The following LHFPL6 variants were observed in gnomAD, a reference collection of about 807,000 sequenced individuals.
LHFPL6 encodes LHFPL tetraspan subfamily member 6 protein.
In LHFPL6, 9 loss-of-function variants were observed where a neutral mutation model predicts 20.6. That is an observed-to-expected ratio of 0.44 (90% CI 0.26 to 0.76). The LOEUF (loss-of-function observed/expected upper bound fraction) is 0.76. Among genes scored for constraint, LHFPL6 ranks in the 30% least tolerant of loss-of-function variants. LHFPL6 has a pLI of 0.20. For synonymous variants in LHFPL6, 105 were observed against 98.7 expected (o/e 1.06, Z -0.38); for missense variants, 218 against 253.5 (o/e 0.86, Z 0.95).
chr13:39,560,853 A>G lies in LHFPL6; in HGVS notation c.385+39979T>C, dbSNP rs192050436. ...TCTCTAACATGATGTAGTATTGGCT[A>G]TTTTCAAAGCAGTTTGTCATGTCCA... On this transcript the variant is annotated intron_variant, in intron 2 of 3. Transcript: ENST00000379589. 2.8e-3 allele frequency among the ~76,000 whole-genome samples: 428 copies of G among 152,112 alleles called. 2 individuals are homozygous for G. The highest frequency in any genetic ancestry group is 9.8e-3 in the African/African-American group (408 of 41,506).
chr13:39,435,861 A>AT (rs1283578277), intron 2 of LHFPL6, among the ~76,000 whole-genome samples: 2 of 152,188 alleles, frequency 1.3e-5, no homozygotes, highest in Non-Finnish European at 2.9e-5. Flanking sequence ...GAAACAGGTC[A>AT]TATGCATACA....
chr13:39,539,940 G>C (rs1593355197), intron 2 of LHFPL6, among the ~76,000 whole-genome samples: 1 of 152,230 alleles, frequency 6.6e-6, no homozygotes, highest in Non-Finnish European at 1.5e-5. Flanking sequence ...ATAGAATATG[G>C]CATATCATGA....
At chr13:39,589,016 A>C (rs1414406465) in intron 2 of LHFPL6, among the ~76,000 whole-genome samples, 2 of 152,218 alleles carry the variant, frequency 1.3e-5, no homozygotes, top group Non-Finnish European at 2.9e-5. Flanking sequence ...GAGGGTAATT[A>C]TTTACTGAAG....
intron 2 of LHFPL6, among the ~76,000 whole-genome samples, chr13:39,382,426 A>C (rs1232265604): frequency 1.3e-5 from 2 of 151,860 alleles, no homozygotes; most frequent in Admixed American, 1.3e-4. Context: ...TTTTTTTGAG[A>C]TGGAGTCTTG....
intron 2 of LHFPL6, among the ~76,000 whole-genome samples, chr13:39,524,277 C>G (rs1259535982): frequency 6.6e-6 from 1 of 150,796 alleles, no homozygotes; most frequent in Non-Finnish European, 1.5e-5. Flanking sequence ...ATGGTTTAAT[C>G]AGCAGGGTTT....
chr13:39,551,316 A>G (rs9576852), intron 2 of LHFPL6, among the ~76,000 whole-genome samples: 73,846 of 151,734 alleles, frequency 0.49, 18,963 homozygotes, highest in African/African-American at 0.65. Context: ...AGCACCAGGG[A>G]CCAGATTCAC....
chr13:39,463,987 T>C (rs1033905343), intron 2 of LHFPL6, among the ~76,000 whole-genome samples: 1 of 152,204 alleles, frequency 6.6e-6, no homozygotes, highest in African/African-American at 2.4e-5. Context: ...TGTGTTGCTG[T>C]TGACAAGGCT....
chr13:39,378,366 T>A, intron 3 of LHFPL6, 62 bp downstream of exon 3: 2 of 1,385,734 alleles, frequency 1.4e-6, no homozygotes, highest in Non-Finnish European at 2.0e-6. Context: ...ACTTTCTGCT[T>A]CTATGAAACA....
At chr13:39,561,597 G>T (rs1044075910) in intron 2 of LHFPL6, among the ~76,000 whole-genome samples, 1 of 152,160 alleles carries the variant, frequency 6.6e-6, no homozygotes, top group Non-Finnish European at 1.5e-5. Context: ...CAAGTAGCTG[G>T]AATCATAGGC....
chr13:39,395,114 C>T (rs945923209), intron 2 of LHFPL6, among the ~76,000 whole-genome samples: 1 of 152,168 alleles, frequency 6.6e-6, no homozygotes, highest in Non-Finnish European at 1.5e-5. Context: ...AAACTATCAT[C>T]AGCTGCAAAT....
intron 2 of LHFPL6, among the ~76,000 whole-genome samples, chr13:39,562,519 TACACATATAC>T (rs1871547267): frequency 1.4e-5 from 2 of 139,626 alleles, no homozygotes; most frequent in Non-Finnish European, 3.1e-5. Context: ...TATACATATA[TACACATATAC>T]ACATATATAC....
At chr13:39,542,862 G>A (rs1023361460) in intron 2 of LHFPL6, among the ~76,000 whole-genome samples, 3 of 152,258 alleles carry the variant, frequency 2.0e-5, no homozygotes, top group East Asian at 3.9e-4. Context: ...CAAAATATAC[G>A]TAACATAAAA....
chr13:39,571,674 C>T (rs1176056068), intron 2 of LHFPL6, among the ~76,000 whole-genome samples: 1 of 152,226 alleles, frequency 6.6e-6, no homozygotes, highest in South Asian at 2.1e-4. Context: ...CCCTTGACGG[C>T]GGAGGGCAGC....
chr13:39,595,485 G>C (rs2138552785), intron 2 of LHFPL6, among the ~76,000 whole-genome samples: 1 of 152,316 alleles, frequency 6.6e-6, no homozygotes, highest in East Asian at 1.9e-4. Context: ...TGGAGCCAGG[G>C]TTTTGTCATG....
At position 39,418,382 on chromosome 13, in the gene LHFPL6, C is replaced by CTTTTTT. The variant is rs71077297; in HGVS notation, c.386-39862_386-39857dup. 6.0e-3 allele frequency among the ~76,000 whole-genome samples: 783 copies of CTTTTTT among 129,540 alleles called. 25 individuals carry two copies. Among genetic ancestry groups the CTTTTTT allele is most frequent in the East Asian group, 0.015 (49 of 3,178 alleles). 85.0% of individuals were successfully genotyped at this position (129,540 alleles called of 152,430 possible). On this transcript the variant is annotated intron_variant, in intron 2 of 3. Transcript: ENST00000379589. ...TTTTAAAGGGTAAAGTTTTTTTGGTCTTTTTTTTTTTTTTTTTTTCCAGAA... is the reference window on the plus strand; with the variant it reads ...TTTTAAAGGGTAAAGTTTTTTTGGTCTTTTTTTTTTTTTTTTTTTTTTTTTCCAGAA...
At chr13:39,422,243 G>T (rs1871511361) in intron 2 of LHFPL6, among the ~76,000 whole-genome samples, 1 of 152,138 alleles carries the variant, frequency 6.6e-6, no homozygotes, top group South Asian at 2.1e-4. Context: ...AGACTATATG[G>T]TATGTTCTAA....
At chr13:39,451,930 G>A (rs983910275) in intron 2 of LHFPL6, among the ~76,000 whole-genome samples, 2 of 152,124 alleles carry the variant, frequency 1.3e-5, no homozygotes, top group Non-Finnish European at 2.9e-5. Flanking sequence ...GGAAATATGT[G>A]TGTGTGTGTG....
intron 2 of LHFPL6, among the ~76,000 whole-genome samples, chr13:39,587,650 C>A (rs1872490903): frequency 6.6e-6 from 1 of 151,996 alleles, no homozygotes; most frequent in Admixed American, 6.6e-5. Flanking sequence ...CTAGATATTT[C>A]AAACACAGAG....
chr13:39,520,892 T>G (rs1870086492), intron 2 of LHFPL6, among the ~76,000 whole-genome samples: 1 of 152,134 alleles, frequency 6.6e-6, no homozygotes, highest in South Asian at 2.1e-4. Flanking sequence ...ATTTTTCCAG[T>G]GCCCAAGGTG....
Sources: gnomAD v4.1 joint callset for allele counts (sites outside exome capture counted in the v4.1 genomes callset) on GRCh38, gnomAD v4.1.1 for gene constraint, MANE v1.5 for transcripts, NCBI Gene and HGNC (gene_info 2026-07-23, HGNC 2026-07-21) for gene names.